The following TAF1B variants were observed in gnomAD, a reference collection of about 807,000 sequenced individuals.
TAF1B encodes the protein TATA box-binding protein-associated factor RNA polymerase I subunit B.
Under a neutral mutation model 83.9 loss-of-function variants are expected in TAF1B, and 61 were observed. That is an observed-to-expected ratio of 0.73 (90% CI 0.59 to 0.90). TAF1B has a LOEUF of 0.90. TAF1B is among the 40% of genes least tolerant of loss of function. The pLI is 0.00. For synonymous variants in TAF1B, 221 were observed against 224.6 expected, an observed-to-expected ratio of 0.98 and a Z score of 0.14; for missense variants, 625 against 677.0, an observed-to-expected ratio of 0.92 and a Z score of 0.85.
At chr2:9,909,574 G>T (rs546559597) in intron 9 of TAF1B, among the ~76,000 whole-genome samples, 46 of 152,324 alleles carry the variant, frequency 3.0e-4, no homozygotes, top group Non-Finnish European at 6.0e-4. Flanking sequence ...GAGTTCATGA[G>T]AGCAGGGGAA....
chr2:9,924,743 AT>A (rs879466176), intron 14 of TAF1B, among the ~76,000 whole-genome samples: 1 of 152,234 alleles, frequency 6.6e-6, no homozygotes, highest in Non-Finnish European at 1.5e-5. Flanking sequence ...TATGTATCGA[AT>A]TTTGTTAGGC....
At chr2:9,881,792 A>G (rs1664515914) in intron 7 of TAF1B, among the ~76,000 whole-genome samples, 1 of 152,204 alleles carries the variant, frequency 6.6e-6, no homozygotes, top group South Asian at 2.1e-4. Context: ...ATTTTCTTCA[A>G]ACTCAATAAT....
chr2:9,924,794 T>G (rs750687390), intron 14 of TAF1B, among the ~76,000 whole-genome samples: 1 of 152,172 alleles, frequency 6.6e-6, no homozygotes, highest in Non-Finnish European at 1.5e-5. Context: ...AAACAAAACA[T>G]TTGCTGTAAA....
chr2:9,882,704 A>T lies in TAF1B; in HGVS notation c.708-2A>T. ...TAAACCTTTTTCTTTTTAAAAATAC[A>T]GGTTTGTTGAAGAGGACCATATTCC... is the stretch of plus-strand genomic sequence containing the variant. On this transcript the variant is annotated splice_acceptor_variant, in intron 7 of 14. Coordinates refer to ENST00000263663, the MANE Select transcript of TAF1B (RefSeq NM_005680.3). LOFTEE classifies it high-confidence loss of function. 6.3e-7 allele frequency: 1 copy of T among 1,594,002 alleles called. No individual in the cohort carries two copies.
At chr2:9,877,693 G>A (rs1313002495) in intron 7 of TAF1B, among the ~76,000 whole-genome samples, 4 of 152,124 alleles carry the variant, frequency 2.6e-5, no homozygotes, top group African/African-American at 4.8e-5. Flanking sequence ...TACCCAGGAC[G>A]ATCTATAAGG....
intron 2 of TAF1B, among the ~76,000 whole-genome samples, chr2:9,846,656 A>G (rs996339318): frequency 5.9e-5 from 9 of 152,254 alleles, no homozygotes; most frequent in African/African-American, 2.2e-4. Flanking sequence ...TTGAGCTTGC[A>G]GGTGTGTCAC....
At chr2:9,844,053 C>T (rs971314771) in intron 1 of TAF1B, among the ~76,000 whole-genome samples, 2 of 152,176 alleles carry the variant, frequency 1.3e-5, no homozygotes, top group East Asian at 1.9e-4. Flanking sequence ...TATCATTCAT[C>T]GTAGTGTTAG....
chr2:9,932,790 A>C (rs1421682035), intron 14 of TAF1B, among the ~76,000 whole-genome samples: 1 of 151,330 alleles, frequency 6.6e-6, no homozygotes, highest in Non-Finnish European at 1.5e-5. Flanking sequence ...TGTAGTTTAC[A>C]GAGGCAGCAG....
intron 4 of TAF1B, chr2:9,852,131 A>G: frequency 2.3e-6 from 1 of 426,676 alleles, no homozygotes; most frequent in South Asian, 1.8e-5. Flanking sequence ...TTGAAAAAAC[A>G]CCAATCACTG....
intron 2 of TAF1B, among the ~76,000 whole-genome samples, chr2:9,847,246 T>C (rs2125133166): frequency 6.6e-6 from 1 of 152,316 alleles, no homozygotes; most frequent in African/African-American, 2.4e-5. Context: ...AACATCTTTA[T>C]AAAGACCAAG....
intron 8 of TAF1B, among the ~76,000 whole-genome samples, chr2:9,904,283 T>C (rs417748): frequency 0.94 from 142,951 of 152,172 alleles, 67,787 homozygotes; most frequent in East Asian, 1. Flanking sequence ...AGTAGGCCCT[T>C]GTGTCTGTTG....
At chr2:9,899,511 G>A (rs1246614602) in intron 8 of TAF1B, among the ~76,000 whole-genome samples, 4 of 151,986 alleles carry the variant, frequency 2.6e-5, no homozygotes, top group Non-Finnish European at 4.4e-5. Flanking sequence ...CATTTGGGTC[G>A]TTTCTACCTT....
chr2:9,882,830 C>G lies in TAF1B; in HGVS notation c.807+25C>G. ...GGTAAGTTATTTTCTTTTTTACTTT[C>G]TAGTCTCTGATAAGGCACAAGAGTG... On this transcript the variant is annotated intron_variant, in intron 8 of 14. Transcript: ENST00000263663. 2.0e-6 allele frequency: 3 copies of G among 1,514,016 alleles called. No individual in the cohort carries two copies. In the South Asian group the frequency reaches 3.7e-5, roughly 19 times the overall value. 93.8% of individuals were successfully genotyped at this position (1,514,016 alleles called of 1,614,324 possible). A position where few individuals can be genotyped will look rare whatever the true frequency, so the allele number is the denominator to read the frequency against.
chr2:9,890,939 T>A (rs1664853606), intron 8 of TAF1B, among the ~76,000 whole-genome samples: 1 of 152,132 alleles, frequency 6.6e-6, no homozygotes, highest in African/African-American at 2.4e-5. Context: ...CCTGGCTACT[T>A]TTTTGTATTT....
At chr2:9,850,025 A>G (rs1206549861) in intron 3 of TAF1B, among the ~76,000 whole-genome samples, 5 of 119,064 alleles carry the variant, frequency 4.2e-5, no homozygotes, top group Non-Finnish European at 6.9e-5. Flanking sequence ...ATATATATAT[A>G]TATGTGTGTG....
intron 6 of TAF1B, among the ~76,000 whole-genome samples, chr2:9,871,813 G>C (rs1236117688): frequency 2.6e-5 from 4 of 152,094 alleles, no homozygotes; most frequent in African/African-American, 9.7e-5. Context: ...GGCTGTCACT[G>C]TTCTGGAAAC....
rs771647735 is a variant in TAF1B at position 9,919,590 on chromosome 2, G to A, written c.1343-8G>A. 3.7e-6 allele frequency: 6 copies of A among 1,603,730 alleles called. No homozygotes were observed. The highest frequency in any genetic ancestry group is 1.1e-5 in the South Asian group (1 of 89,652). The stretch of plus-strand genomic sequence containing the variant: ...GTTATTTTGTTTCCTTTTTTTCTCC[G>A]GTTCCAGAAATGGTGGTGAATCTAC... On this transcript the variant is annotated splice_region_variant and splice_polypyrimidine_tract_variant and intron_variant, in intron 13 of 14. Coordinates refer to ENST00000263663, the MANE Select transcript of TAF1B (RefSeq NM_005680.3).
At chr2:9,904,311 C>A (rs394308) in intron 8 of TAF1B, among the ~76,000 whole-genome samples, 70,881 of 152,030 alleles carry the variant, frequency 0.47, 19,002 homozygotes, top group Non-Finnish European at 0.61. Flanking sequence ...CTTTGTGTGC[C>A]TGTGTACTCA....
At chr2:9,903,880 AAG>A (rs1665264231) in intron 8 of TAF1B, among the ~76,000 whole-genome samples, 1 of 152,244 alleles carries the variant, frequency 6.6e-6, no homozygotes, top group Non-Finnish European at 1.5e-5. Context: ...AAAACCCAGT[AAG>A]AGTTTTAAGA....
Sources: allele counts gnomAD v4.1 joint callset (sites outside exome capture counted in the v4.1 genomes callset), GRCh38; gene constraint gnomAD v4.1.1; transcripts MANE v1.5; gene names NCBI Gene and HGNC (gene_info 2026-07-23, HGNC 2026-07-21).